Variants in ZSCAN32 observed in about 807,000 individuals in gnomAD.
ZSCAN32 encodes the protein zinc finger and SCAN domain-containing protein 32.
ZSCAN32 carries 52 observed loss-of-function variants against 47.4 expected under a neutral mutation model. That is an observed-to-expected ratio of 1.10 (90% CI 0.88 to 1.38). The LOEUF (loss-of-function observed/expected upper bound fraction) is 1.38, where lower values mean the gene tolerates loss of function less well. ZSCAN32 is among the 40% of genes most tolerant of loss of function. The pLI, the probability that ZSCAN32 is intolerant of heterozygous loss-of-function variation, is 0.00. For synonymous variants in ZSCAN32, 346 were observed against 305.7 expected (o/e 1.13, Z -1.38); for missense variants, 959 against 846.0 (o/e 1.13, Z -1.66).
At chr16:3,400,610 A>C (rs559583435) in intron 1 of ZSCAN32, among the ~76,000 whole-genome samples, 3 of 152,348 alleles carry the variant, frequency 2.0e-5, no homozygotes, top group South Asian at 2.1e-4. Flanking sequence ...TTAGTTAACT[A>C]TTTATTGAGT....
intron 2 of ZSCAN32, 36 bp downstream of exon 2, chr16:3,397,156 A>C: frequency 6.8e-7 from 1 of 1,477,802 alleles, no homozygotes; most frequent in South Asian, 1.4e-5. Context: ...ACAACTTCAT[A>C]ACCAAAACCA....
In ZSCAN32 at chr16:3,397,225, C is replaced by T. The variant is rs780427765; in HGVS notation, c.333G>A (p.Leu111=). ...CAGGAGCTCTCTGTACATCCTCAACCAGAGCCACAGCTTCCTCGCCGTTTT... is the reference window on the plus strand; with the variant it reads ...CAGGAGCTCTCTGTACATCCTCAACTAGAGCCACAGCTTCCTCGCCGTTTT... ...HPENGEEAVA[L]VEDVQRAPGQ... is the part of the protein sequence containing the mutation. Residue 111 remains leucine (L), a synonymous_variant, in exon 2 of 7, where the codon CTG becomes CTA. Coordinates refer to ENST00000396852, the MANE Select transcript of ZSCAN32 (RefSeq NM_001284527.2). 4.1e-5 allele frequency: 63 copies of T among 1,555,484 alleles called. No homozygotes were observed. Among genetic ancestry groups the T allele is most frequent in the Non-Finnish European group, 5.5e-5 (63 of 1,149,764 alleles).
At chr16:3,388,304 G>C (rs1426931885) in intron 5 of ZSCAN32, among the ~76,000 whole-genome samples, 1 of 152,126 alleles carries the variant, frequency 6.6e-6, no homozygotes, top group Non-Finnish European at 1.5e-5. Context: ...CTTCCTCCAT[G>C]TAGGATATGG....
In ZSCAN32 at chr16:3,399,778, G is replaced by A. The variant is rs924936824; in HGVS notation, c.-188+1167C>T. Among the ~76,000 whole-genome samples the A allele has an allele frequency of 2.5e-4, 38 of 150,142 alleles. 1 individual carries two copies. Among genetic ancestry groups the A allele is most frequent in the African/African-American group, 9.1e-4 (37 of 40,696 alleles). On this transcript the variant is annotated intron_variant, in intron 1 of 6. Coordinates refer to ENST00000396852, the MANE Select transcript of ZSCAN32 (RefSeq NM_001284527.2). ...TAATTTTAAATAGAAGCTAACTTTT[G>A]TATTTTTTGTAGAGGTGGAGTTTCA... is the stretch of plus-strand genomic sequence containing the variant.
intron 5 of ZSCAN32, among the ~76,000 whole-genome samples, chr16:3,387,672 T>C (rs1386787729): frequency 1.3e-5 from 2 of 152,236 alleles, no homozygotes; most frequent in Non-Finnish European, 2.9e-5. Flanking sequence ...ATCACTGCCA[T>C]AGCCTATCTG....
intron 2 of ZSCAN32, among the ~76,000 whole-genome samples, chr16:3,396,527 C>T (rs1006699275): frequency 1.4e-4 from 22 of 152,174 alleles, no homozygotes; most frequent in African/African-American, 5.3e-4. Context: ...CTGACCTGTG[C>T]CCTCCATTAC....
Position 3,384,861 on chromosome 16 carries a change from G to A in ZSCAN32, c.832C>T (p.Gln278Ter). The change falls in exon 6 of 7, where the codon CAG (glutamine) becomes TAG (stop). Residue 278 changes from glutamine to a stop codon, truncating the protein, a stop_gained. Transcript: ENST00000396852. LOFTEE classifies it high-confidence loss of function. The stretch of plus-strand genomic sequence containing the variant: ...ATCTGGCTGTTCTGCTGACAGGTCT[G>A]GAGTTTTCCATAAAATTGAGAACTA... Reference protein sequence around the residue: ...LSSSQFYGKLQTCQQNSQIYR... With the variant: ...LSSSQFYGKL 1 of 1,614,094 alleles carries A rather than the reference G, an allele frequency of 6.2e-7. No homozygotes were observed. The highest frequency in any genetic ancestry group is 8.5e-7 in the Non-Finnish European group (1 of 1,180,018).
chr16:3,382,854 A>G lies in ZSCAN32; in HGVS notation c.2092T>C (p.Ter698ArgextTer4), dbSNP rs769141460. Residue 698 changes from the stop codon to arginine, a stop_lost, in exon 7 of 7, where the codon TGA becomes CGA. Coordinates refer to ENST00000396852, the MANE Select transcript of ZSCAN32 (RefSeq NM_001284527.2). Reference protein sequence around the residue: ...LSSQEGRDAL* With the variant: ...LSSQEGRDALR ...AATCTGACAGTTTACCGACACACTC[A>G]TAACGCATCTCTTCCTTCCTGTGAT... 1 of 1,555,492 alleles carries G rather than the reference A, an allele frequency of 6.4e-7. No individual in the cohort carries two copies. Among genetic ancestry groups the G allele is most frequent in the Non-Finnish European group, 8.7e-7 (1 of 1,149,224 alleles).
At chr16:3,397,837 T>C in intron 1 of ZSCAN32, 93 bp from the exon 2 acceptor site, 10 of 233,776 alleles carry the variant, frequency 4.3e-5, no homozygotes, top group East Asian at 8.9e-5. Flanking sequence ...CTTTACTCCC[T>C]CCACAAATCT....
At chr16:3,387,307 C>T (rs1324301813) in intron 5 of ZSCAN32, among the ~76,000 whole-genome samples, 1 of 152,156 alleles carries the variant, frequency 6.6e-6, no homozygotes, top group Admixed American at 6.5e-5. Flanking sequence ...CTGGTTGTAA[C>T]GATATATCTG....
At chr16:3,388,983 G>GTT (rs1404619307) in intron 5 of ZSCAN32, among the ~76,000 whole-genome samples, 1 of 152,158 alleles carries the variant, frequency 6.6e-6, no homozygotes. Context: ...CTTTACAGTG[G>GTT]TTAATTTTAT....
intron 3 of ZSCAN32, 36 bp downstream of exon 3, chr16:3,393,613 C>T (rs1333246960): frequency 1.3e-6 from 2 of 1,493,202 alleles, no homozygotes; most frequent in Non-Finnish European, 1.8e-6. Flanking sequence ...GATTGTTCCT[C>T]ACCTGCCTCA....
chr16:3,390,739 C>T (rs1567314759), intron 3 of ZSCAN32, among the ~76,000 whole-genome samples: 1 of 152,320 alleles, frequency 6.6e-6, no homozygotes, highest in East Asian at 1.9e-4. Context: ...GAGTCTGAGG[C>T]AAACTCAAGT....
intron 3 of ZSCAN32, 115 bp downstream of exon 3, chr16:3,393,534 A>T: frequency 9.4e-7 from 1 of 1,060,116 alleles, no homozygotes. Context: ...CGGTTTTTGG[A>T]TGTATTTCAA....
At chr16:3,387,534 A>G (rs2032158645) in intron 5 of ZSCAN32, among the ~76,000 whole-genome samples, 1 of 152,250 alleles carries the variant, frequency 6.6e-6, no homozygotes, top group Non-Finnish European at 1.5e-5. Context: ...CCAGTTCATG[A>G]GGACCGATTT....
chr16:3,382,897 G>A lies in ZSCAN32; in HGVS notation c.2049C>T (p.His683=). 6.2e-7 allele frequency: 1 copy of A among 1,601,366 alleles called. No homozygotes were observed. Among genetic ancestry groups the A allele is most frequent in the East Asian group, 2.2e-5 (1 of 44,682 alleles). ...NSALTRHQTV[H]MKAVLSSQEG... ...CCTGTGATGAGAGTACTGCTTTCATGTGTACTGTCTGATGACGGGTGAGGG... is the reference window on the plus strand; with the variant it reads ...CCTGTGATGAGAGTACTGCTTTCATATGTACTGTCTGATGACGGGTGAGGG... The change falls in exon 7 of 7, where the codon CAC becomes CAT. Residue 683 remains histidine, a synonymous_variant. Coordinates refer to ENST00000396852, the MANE Select transcript of ZSCAN32 (RefSeq NM_001284527.2).
chr16:3,390,314 C>A (rs1015441671), intron 4 of ZSCAN32, 109 bp downstream of exon 4: 6 of 1,353,402 alleles, frequency 4.4e-6, no homozygotes, highest in African/African-American at 1.5e-5. Context: ...CAAAATAACC[C>A]GAGAAGCCCC....
chr16:3,383,287 C>G lies in ZSCAN32; in HGVS notation c.1659G>C (p.Glu553Asp), dbSNP rs1198810264. The change falls in exon 7 of 7, where the codon GAG (glutamate) becomes GAC (aspartate). Residue 553 changes from glutamate (E) to aspartate (D), a missense_variant. Transcript: ENST00000396852. ...HTGEKPHKCS[E>D]CGKGFSERSN... Reference sequence around the variant, plus strand: ...AGCGCTCACTAAAGCCCTTCCCGCACTCACTGCACTTGTGAGGCTTCTCGC... The same window carrying G: ...AGCGCTCACTAAAGCCCTTCCCGCAGTCACTGCACTTGTGAGGCTTCTCGC... 6.2e-7 allele frequency: 1 copy of G among 1,614,248 alleles called. No homozygotes were observed. Among genetic ancestry groups the G allele is most frequent in the East Asian group, 2.2e-5 (1 of 44,890 alleles).
Position 3,390,118 on chromosome 16 carries a change from C to T in ZSCAN32, c.643G>A (p.Asp215Asn). 1 of 1,612,182 alleles carries T rather than the reference C, an allele frequency of 6.2e-7. No individual in the cohort carries two copies. The change falls in exon 5 of 7, where the codon GAC becomes AAC. Residue 215 changes from aspartate to asparagine, a missense_variant. Asp to Asn is a conservative substitution (Grantham distance 23). Transcript: ENST00000396852. ...TGACAGAGGGATACAGCTCTGTTGT[C>T]ACGCATGGCTGGTCCCTGTAACAAC... ...TAGSQGPAMR[D>N]NRAVSLCQQE...
Sources: gnomAD v4.1 joint callset for allele counts (sites outside exome capture counted in the v4.1 genomes callset) on GRCh38, gnomAD v4.1.1 for gene constraint, MANE v1.5 for transcripts, NCBI Gene and HGNC (gene_info 2026-07-23, HGNC 2026-07-21) for gene names.